Variants in RORA observed in about 807,000 individuals in gnomAD.
The protein encoded by RORA is RAR related orphan receptor A.
Under a neutral mutation model 69.5 loss-of-function variants are expected in RORA, and 7 were observed. The ratio of observed to expected loss-of-function variants is 0.10; its 90% confidence interval spans 0.06 to 0.19. The LOEUF (loss-of-function observed/expected upper bound fraction) is 0.19. Ranked by LOEUF, RORA falls within the 10% of genes least tolerant of loss-of-function variation. The pLI, the probability that RORA is intolerant of heterozygous loss-of-function variation, is 1.00. For synonymous variants in RORA, 261 were observed against 240.8 expected (o/e 1.08, Z -0.78); for missense variants, 457 against 663.0 (o/e 0.69, Z 3.41).
At chr15:60,966,622 T>C (rs141094476) in intron 1 of RORA, among the ~76,000 whole-genome samples, 8 of 152,350 alleles carry the variant, frequency 5.3e-5, no homozygotes, top group African/African-American at 1.9e-4. Context: ...TACATCCCTC[T>C]GACCTTCCAG....
intron 1 of RORA, among the ~76,000 whole-genome samples, chr15:60,811,990 T>G (rs1312312382): frequency 6.6e-6 from 1 of 152,158 alleles, no homozygotes; most frequent in East Asian, 1.9e-4. Context: ...AATCCCAAAG[T>G]TGAATCAAGC....
chr15:60,787,593 G>A (rs2072355215), intron 1 of RORA, among the ~76,000 whole-genome samples: 1 of 152,220 alleles, frequency 6.6e-6, no homozygotes, highest in Non-Finnish European at 1.5e-5. Context: ...CCCATACTGA[G>A]CACTTATAAA....
At chr15:60,533,721 G>C (rs1038974622) in intron 2 of RORA, among the ~76,000 whole-genome samples, 23 of 152,176 alleles carry the variant, frequency 1.5e-4, no homozygotes, top group African/African-American at 5.5e-4. Context: ...GCTAGAATGA[G>C]AACCAGCCTC....
chr15:60,702,420 T>C (rs1353545636), intron 1 of RORA, among the ~76,000 whole-genome samples: 2 of 151,832 alleles, frequency 1.3e-5, no homozygotes, highest in African/African-American at 4.8e-5. Flanking sequence ...TCAGTAGAGA[T>C]GGGGTTTTGC....
chr15:61,134,964 A>G (rs2140851635), intron 1 of RORA, among the ~76,000 whole-genome samples: 1 of 152,080 alleles, frequency 6.6e-6, no homozygotes, highest in Middle Eastern at 3.4e-3. Flanking sequence ...CCATGCCACT[A>G]TCCTGAGAGA....
chr15:61,108,200 T>C (rs576286138), intron 1 of RORA, among the ~76,000 whole-genome samples: 1 of 152,352 alleles, frequency 6.6e-6, no homozygotes, highest in Admixed American at 6.5e-5. Context: ...GTACCGATCC[T>C]GATCTTGAAC....
At chr15:60,957,214 T>A (rs933687785) in intron 1 of RORA, among the ~76,000 whole-genome samples, 6 of 152,230 alleles carry the variant, frequency 3.9e-5, no homozygotes, top group African/African-American at 1.4e-4. Context: ...TAAGGTATTA[T>A]TACAATGCAC....
rs76331976 is a variant in RORA, at chr15:60,695,360, C to A, written c.167-16674G>T. On this transcript the variant is annotated intron_variant, in intron 1 of 10. Transcript: ENST00000335670. ...TCTTTTCGTCTTTGTCACTTGAGACCCTGTTGACTTTTTTTTGAGGGTGCC... is the reference window on the plus strand; with the variant it reads ...TCTTTTCGTCTTTGTCACTTGAGACACTGTTGACTTTTTTTTGAGGGTGCC... 3.9e-3 allele frequency among the ~76,000 whole-genome samples: 589 copies of A among 152,186 alleles called. 5 individuals carry two copies. The highest frequency in any genetic ancestry group is 0.013 in the African/African-American group (539 of 41,510).
At chr15:61,114,912 C>T (rs2079037082) in intron 1 of RORA, among the ~76,000 whole-genome samples, 1 of 152,218 alleles carries the variant, frequency 6.6e-6, no homozygotes, top group Non-Finnish European at 1.5e-5. Flanking sequence ...TGTAAACTCC[C>T]TCATCATTAG....
chr15:60,797,036 T>C (rs2072508475), intron 1 of RORA, among the ~76,000 whole-genome samples: 1 of 148,056 alleles, frequency 6.8e-6, no homozygotes, highest in South Asian at 2.1e-4. Context: ...TTATATAATA[T>C]ATAATTATAT....
At chr15:61,081,085 C>T (rs947677164) in intron 1 of RORA, among the ~76,000 whole-genome samples, 3 of 152,186 alleles carry the variant, frequency 2.0e-5, no homozygotes, top group East Asian at 1.9e-4. Context: ...CTCGTTCTGC[C>T]CCACAGTACA....
In RORA at chr15:60,489,009, A is replaced by C. The variant is rs922775330; in HGVS notation, c.*8446T>G. On this transcript the variant is annotated 3_prime_UTR_variant, in exon 11 of 11. Coordinates refer to ENST00000335670, the MANE Select transcript of RORA (RefSeq NM_134261.3). ...AATTGGGGCACACTTGTTATCATTT[A>C]ACAATTGTCAAATGCTGACATGTGC... 3 of 152,048 alleles carry C rather than the reference A, an allele frequency of 2.0e-5. No homozygotes were observed. Among genetic ancestry groups the C allele is most frequent in the Admixed American group, 6.5e-5 (1 of 15,274 alleles). The allele number at this position is 152,048 out of a possible 1,614,324, so 9.4% of individuals were successfully genotyped here.
intron 1 of RORA, among the ~76,000 whole-genome samples, chr15:60,717,796 C>CTTTTTTTTTTTTTTTTTTTTTTTTG (rs10653856): frequency 1.1e-5 from 1 of 91,974 alleles, no homozygotes; most frequent in Non-Finnish European, 2.0e-5. Context: ...TTCTTTTTCT[C>CTTTTTTTTTTTTTTTTTTTTTTTTG]TTTTTTTTTT....
chr15:61,095,719 T>C (rs981066655), intron 1 of RORA, among the ~76,000 whole-genome samples: 1 of 152,188 alleles, frequency 6.6e-6, no homozygotes, highest in Non-Finnish European at 1.5e-5. Context: ...AGATTACAAA[T>C]AAGGATGCTT....
At chr15:61,089,443 C>T (rs1236610127) in intron 1 of RORA, among the ~76,000 whole-genome samples, 1 of 152,194 alleles carries the variant, frequency 6.6e-6, no homozygotes, top group Non-Finnish European at 1.5e-5. Flanking sequence ...CACATACATG[C>T]ACACAAACAT....
At chr15:60,804,287 C>CAAA (rs5813037) in intron 1 of RORA, among the ~76,000 whole-genome samples, 15 of 58,134 alleles carry the variant, frequency 2.6e-4, no homozygotes, top group Admixed American at 5.9e-4. Context: ...AACTCCATCT[C>CAAA]AAAAAAAAAA....
At chr15:61,116,866 G>A (rs2079055992) in intron 1 of RORA, among the ~76,000 whole-genome samples, 1 of 152,170 alleles carries the variant, frequency 6.6e-6, no homozygotes, top group Non-Finnish European at 1.5e-5. Context: ...CGTGTGATCA[G>A]TGCTTCTAAA....
chr15:61,084,564 T>C (rs1399950452), intron 1 of RORA, among the ~76,000 whole-genome samples: 2 of 152,208 alleles, frequency 1.3e-5, no homozygotes, highest in African/African-American at 2.4e-5. Context: ...TCTATGTATG[T>C]CTCTGTCTCA....
chr15:61,152,488 TTA>T (rs1330100116), intron 1 of RORA, among the ~76,000 whole-genome samples: 1 of 150,132 alleles, frequency 6.7e-6, no homozygotes, highest in Admixed American at 6.7e-5. Context: ...ATCATATATA[TTA>T]TAAAATATTA....
Sources: allele counts gnomAD v4.1 joint callset (sites outside exome capture counted in the v4.1 genomes callset), GRCh38; gene constraint gnomAD v4.1.1; transcripts MANE v1.5; gene names NCBI Gene and HGNC (gene_info 2026-07-23, HGNC 2026-07-21).